The following DNAH6 variants were observed in gnomAD, a reference collection of about 807,000 sequenced individuals.
DNAH6 encodes dynein axonemal heavy chain 6.
A neutral mutation model predicts 491.4 loss-of-function variants in DNAH6; 340 were observed. The observed-to-expected ratio is 0.69, with a 90% CI of 0.63 to 0.76. The LOEUF is 0.76. DNAH6 is among the 30% of genes least tolerant of loss of function. DNAH6 has a pLI of 0.00. For synonymous variants in DNAH6, 1,603 were observed against 1,686.1 expected (o/e 0.95, Z 1.21); for missense variants, 4,443 against 4,972.2 (o/e 0.89, Z 3.20).
the DNAH6 span, among the ~76,000 whole-genome samples, chr2:84,497,275 C>A: frequency 6.6e-6 from 1 of 152,082 alleles, no homozygotes. Context: ...CCAGTCACAA[C>A]AATATGTACT....
intron 50 of DNAH6, 126 bp from the exon 51 acceptor site, chr2:84,703,941 C>T (rs979201019): frequency 2.8e-6 from 2 of 704,798 alleles, no homozygotes; most frequent in Non-Finnish European, 4.7e-6. Context: ...AAAATGCAAT[C>T]TAGCTAATTC....
Position 84,582,713 on chromosome 2 carries a change from A to G in DNAH6, c.2230-1286A>G, listed in dbSNP as rs574049958. On this transcript the variant is annotated intron_variant, in intron 14 of 76. Coordinates refer to ENST00000389394, the MANE Select transcript of DNAH6 (RefSeq NM_001370.2). ...ATGATCCGCCTGCCTCAGCCTCCCA[A>G]AGTGCTGGGATTACAGGTGCAGTAA... Among the ~76,000 whole-genome samples the G allele has an allele frequency of 3.3e-5, 5 of 152,254 alleles. No individual in the cohort carries two copies. In the South Asian group the frequency reaches 1.0e-3, roughly 32 times the overall value.
At chr2:84,517,753 G>A in intron 1 of DNAH6, 66 bp from the exon 2 acceptor site, 1 of 1,263,440 alleles carries the variant, frequency 7.9e-7, no homozygotes, top group South Asian at 1.5e-5. Flanking sequence ...TCCCTCTCCA[G>A]TAGCCTCCTT....
chr2:84,566,638 T>C (rs1455267933), intron 11 of DNAH6, among the ~76,000 whole-genome samples: 2 of 151,968 alleles, frequency 1.3e-5, no homozygotes, highest in Non-Finnish European at 2.9e-5. Flanking sequence ...CCTATGAAAA[T>C]ACTGACAAGT....
chr2:84,628,473 C>A (rs1049588142), intron 29 of DNAH6, among the ~76,000 whole-genome samples: 1 of 152,162 alleles, frequency 6.6e-6, no homozygotes, highest in African/African-American at 2.4e-5. Flanking sequence ...CTACCTTTCC[C>A]AAGACCTAGT....
chr2:84,777,822 A>C (rs1194322941), intron 64 of DNAH6: 28 of 1,168,498 alleles, frequency 2.4e-5, no homozygotes, highest in Non-Finnish European at 3.6e-5. Flanking sequence ...ACATAGGTCA[A>C]GATATCCACT....
intron 2 of DNAH6, among the ~76,000 whole-genome samples, chr2:84,522,087 A>G (rs1458390379): frequency 6.6e-6 from 1 of 152,060 alleles, no homozygotes; most frequent in Middle Eastern, 3.2e-3. Context: ...AATGATACTG[A>G]TTCTTCCTAT....
At chr2:84,655,601 T>C (rs966940989) in intron 35 of DNAH6, among the ~76,000 whole-genome samples, 1 of 152,194 alleles carries the variant, frequency 6.6e-6, no homozygotes, top group African/African-American at 2.4e-5. Context: ...TTAAAGACAG[T>C]AATTCTCAGA....
intron 12 of DNAH6, among the ~76,000 whole-genome samples, chr2:84,575,784 T>C (rs1373522869): frequency 6.6e-6 from 1 of 152,054 alleles, no homozygotes; most frequent in Admixed American, 6.5e-5. Flanking sequence ...CTCCAGGGGC[T>C]GAGGCAGGAG....
the DNAH6 span, among the ~76,000 whole-genome samples, chr2:84,483,473 A>G: frequency 6.6e-6 from 1 of 152,180 alleles, no homozygotes. Flanking sequence ...ACCAACTGTG[A>G]AACAATCAAC....
chr2:84,701,714 A>G (rs528884355), intron 49 of DNAH6, among the ~76,000 whole-genome samples: 2 of 152,294 alleles, frequency 1.3e-5, no homozygotes, highest in South Asian at 2.1e-4. Flanking sequence ...CACTATCATG[A>G]TGACAGCACC....
intron 11 of DNAH6, among the ~76,000 whole-genome samples, chr2:84,558,223 C>T (rs1189974335): frequency 1.3e-5 from 2 of 151,938 alleles, no homozygotes; most frequent in Non-Finnish European, 2.9e-5. Context: ...GTCAGGAGAT[C>T]GAGACCATCC....
chr2:84,514,829 CTG>C (rs796389431), upstream of DNAH6, among the ~76,000 whole-genome samples: 58 of 150,848 alleles, frequency 3.8e-4, no homozygotes, highest in African/African-American at 1.4e-3. Flanking sequence ...AAAACTATGT[CTG>C]TGTCTTCCAA....
intron 63 of DNAH6, 68 bp downstream of exon 63, chr2:84,745,317 G>A: frequency 8.5e-7 from 1 of 1,176,456 alleles, no homozygotes; most frequent in Non-Finnish European, 1.1e-6. Context: ...AGCCAGTTAT[G>A]ATTTATAAAT....
chr2:84,615,976 C>A (rs555973790), intron 22 of DNAH6, among the ~76,000 whole-genome samples: 1 of 151,894 alleles, frequency 6.6e-6, no homozygotes, highest in Admixed American at 6.6e-5. Context: ...TATTTAATTT[C>A]TATGTATTTG....
At chr2:84,545,297 T>C (rs753352367) in intron 5 of DNAH6, among the ~76,000 whole-genome samples, 9 of 152,100 alleles carry the variant, frequency 5.9e-5, no homozygotes, top group Non-Finnish European at 1.0e-4. Flanking sequence ...ACAAGACAAA[T>C]ATATAAGAGG....
At chr2:84,473,564 G>C in the DNAH6 span, among the ~76,000 whole-genome samples, 1 of 152,208 alleles carries the variant, frequency 6.6e-6, no homozygotes, top group Non-Finnish European at 1.5e-5. Flanking sequence ...TGGACAGGGA[G>C]CGTTTACTGT....
chr2:84,787,754 A>G (rs934851516), intron 68 of DNAH6, among the ~76,000 whole-genome samples: 2 of 152,204 alleles, frequency 1.3e-5, no homozygotes, highest in African/African-American at 4.8e-5. Flanking sequence ...AAGAACCTAA[A>G]CATTAACTGA....
At chr2:84,606,271 G>A (rs1685756282) in intron 20 of DNAH6, among the ~76,000 whole-genome samples, 1 of 152,214 alleles carries the variant, frequency 6.6e-6, no homozygotes, top group East Asian at 1.9e-4. Flanking sequence ...TAGGTTGGAA[G>A]AGAAAGACCA....
Sources: gnomAD v4.1 joint callset for allele counts (sites outside exome capture counted in the v4.1 genomes callset) on GRCh38, gnomAD v4.1.1 for gene constraint, MANE v1.5 for transcripts, NCBI Gene and HGNC (gene_info 2026-07-23, HGNC 2026-07-21) for gene names.